The following DGKI variants were observed in gnomAD, a reference collection of about 807,000 sequenced individuals.
DGKI encodes diacylglycerol kinase iota.
DGKI carries 55 observed loss-of-function variants against 147.5 expected under a neutral mutation model. The observed-to-expected ratio is 0.37, with a 90% CI of 0.30 to 0.47. The LOEUF (loss-of-function observed/expected upper bound fraction) is 0.47, where lower values mean the gene tolerates loss of function less well. Among genes scored for constraint, DGKI ranks in the 20% least tolerant of loss-of-function variants. The probability of loss-of-function intolerance (pLI) is 1.00; values close to 1 mark genes in which losing one functional copy is unlikely to be tolerated. For missense variants in DGKI, 1,007 were observed against 1,323.8 expected, an observed-to-expected ratio of 0.76 and a Z score of 3.71; for synonymous variants, 469 against 477.1, an observed-to-expected ratio of 0.98 and a Z score of 0.22.
At chr7:137,586,209 G>A (rs1202961939) in intron 13 of DGKI, among the ~76,000 whole-genome samples, 1 of 152,018 alleles carries the variant, frequency 6.6e-6, no homozygotes, top group African/African-American at 2.4e-5. Context: ...GGTGGATCAC[G>A]AGGTCAGGAG....
chr7:137,787,761 G>A (rs1397188171), intron 1 of DGKI, among the ~76,000 whole-genome samples: 1 of 152,176 alleles, frequency 6.6e-6, no homozygotes, highest in African/African-American at 2.4e-5. Flanking sequence ...ATATACAGAC[G>A]GAATACTACT....
intron 32 of DGKI, among the ~76,000 whole-genome samples, chr7:137,393,528 T>C (rs1332001099): frequency 6.6e-6 from 1 of 152,212 alleles, no homozygotes; most frequent in Non-Finnish European, 1.5e-5. Flanking sequence ...TAATCCTGAA[T>C]ATAAGTTGTG....
chr7:137,502,310 C>A (rs535823438), intron 21 of DGKI, among the ~76,000 whole-genome samples: 1 of 152,124 alleles, frequency 6.6e-6, no homozygotes, highest in African/African-American at 2.4e-5. Context: ...CCAGAACAGA[C>A]TTCCATTGCC....
In DGKI at chr7:137,488,823, T is replaced by C. The variant is rs531917168; in HGVS notation, c.2249-1134A>G. ...ATCTCCACGTAGTAGAGAAGGCATATATATAAACAAAAAAATGATAAGTAT... is the reference window on the plus strand; with the variant it reads ...ATCTCCACGTAGTAGAGAAGGCATACATATAAACAAAAAAATGATAAGTAT... On this transcript the variant is annotated intron_variant, in intron 21 of 32. Transcript: ENST00000614521. Among the ~76,000 whole-genome samples, 21 of 152,196 alleles carry C rather than the reference T, an allele frequency of 1.4e-4. No homozygotes were observed. The South Asian group carries it at 3.3e-3, about 24-fold the overall frequency.
chr7:137,566,858 T>A (rs1414465153), intron 19 of DGKI, among the ~76,000 whole-genome samples: 1 of 125,674 alleles, frequency 8.0e-6, no homozygotes, highest in Non-Finnish European at 1.6e-5. Context: ...AGATTTTGAA[T>A]TTAAAATAGA....
At chr7:137,553,608 T>G (rs1818124671) in intron 19 of DGKI, among the ~76,000 whole-genome samples, 1 of 152,228 alleles carries the variant, frequency 6.6e-6, no homozygotes, top group Admixed American at 6.5e-5. Flanking sequence ...AGAAAAATCA[T>G]ACATTTTTGT....
chr7:137,720,446 G>C (rs1447398593), intron 1 of DGKI, among the ~76,000 whole-genome samples: 1 of 151,770 alleles, frequency 6.6e-6, no homozygotes, highest in African/African-American at 2.4e-5. Context: ...TTTTAGTAGA[G>C]ACCGGGTTTC....
rs556728115 is a variant in DGKI at position 137,614,746 on chromosome 7, G to C, written c.993+5078C>G. Among the ~76,000 whole-genome samples, 304 of 152,176 alleles carry C rather than the reference G, an allele frequency of 2.0e-3. 1 individual carries two copies. In the Middle Eastern group the frequency reaches 0.048, roughly 24 times the overall value. On this transcript the variant is annotated intron_variant, in intron 8 of 32. Coordinates refer to ENST00000614521, the MANE Select transcript of DGKI (RefSeq NM_001321708.2). Reference sequence around the variant, plus strand: ...GCTGCCAATTCCACAGTTGCTCGTGGAGTAAAAATGAAATATGCGGTTTAA... The same window carrying C: ...GCTGCCAATTCCACAGTTGCTCGTGCAGTAAAAATGAAATATGCGGTTTAA...
intron 7 of DGKI, among the ~76,000 whole-genome samples, chr7:137,621,012 T>G (rs1820730062): frequency 6.6e-6 from 1 of 152,120 alleles, no homozygotes; most frequent in Non-Finnish European, 1.5e-5. Context: ...CAAACACAAA[T>G]TAGGACCGTC....
At position 137,627,646 on chromosome 7, in the gene DGKI, A is replaced by G. The variant is rs1267941156; in HGVS notation, c.805-4092T>C. On this transcript the variant is annotated intron_variant, in intron 6 of 32. Transcript: ENST00000614521. ...TAAAATGCGGCATGGATAAAAATCAATACAGTAGAATTTGTGGCAAGACAG... is the reference window on the plus strand; with the variant it reads ...TAAAATGCGGCATGGATAAAAATCAGTACAGTAGAATTTGTGGCAAGACAG... Among the ~76,000 whole-genome samples the G allele has an allele frequency of 3.3e-5, 5 of 152,232 alleles. No individual in the cohort carries two copies. The East Asian group carries it at 9.6e-4, about 29-fold the overall frequency.
chr7:137,667,913 G>A (rs184547432), intron 3 of DGKI, among the ~76,000 whole-genome samples: 9 of 152,218 alleles, frequency 5.9e-5, no homozygotes, highest in Admixed American at 4.6e-4. Context: ...TTTGCCAGGA[G>A]GCTAGCTGTG....
In DGKI at chr7:137,385,013, T is replaced by C. The variant is rs905822721; in HGVS notation, c.*6207A>G. On this transcript the variant is annotated 3_prime_UTR_variant, in exon 33 of 33. Coordinates refer to ENST00000614521, the MANE Select transcript of DGKI (RefSeq NM_001321708.2). ...CATGTACATTTACTTGGCTCCCAAATACCTTACAGGCAGAATTTTCTTCTG... is the reference window on the plus strand; with the variant it reads ...CATGTACATTTACTTGGCTCCCAAACACCTTACAGGCAGAATTTTCTTCTG... 3.3e-5 allele frequency: 5 copies of C among 152,086 alleles called. No individual in the cohort carries two copies. Among genetic ancestry groups the C allele is most frequent in the Non-Finnish European group, 7.4e-5 (5 of 67,994 alleles). 9.4% of individuals were successfully genotyped at this position (152,086 alleles called of 1,614,324 possible).
At chr7:137,459,905 A>G (rs1814364866) in intron 27 of DGKI, among the ~76,000 whole-genome samples, 1 of 152,118 alleles carries the variant, frequency 6.6e-6, no homozygotes. Flanking sequence ...ATCAAATTGA[A>G]TGCTTTGCTT....
intron 8 of DGKI, among the ~76,000 whole-genome samples, chr7:137,616,007 T>C (rs1820518929): frequency 6.6e-6 from 1 of 152,166 alleles, no homozygotes; most frequent in Non-Finnish European, 1.5e-5. Flanking sequence ...CTATGGTTCA[T>C]TGGTTAACTT....
At chr7:137,817,852 T>C (rs1797784810) in intron 1 of DGKI, among the ~76,000 whole-genome samples, 1 of 152,256 alleles carries the variant, frequency 6.6e-6, no homozygotes, top group Admixed American at 6.5e-5. Context: ...CCACATCTGT[T>C]TTATTCCTAT....
chr7:137,578,645 T>C (rs535723616), intron 15 of DGKI, among the ~76,000 whole-genome samples: 8 of 152,286 alleles, frequency 5.3e-5, no homozygotes, highest in African/African-American at 1.4e-4. Context: ...TATACATCTG[T>C]GGAGGGGAGC....
At chr7:137,532,655 C>T (rs1817380508) in intron 20 of DGKI, among the ~76,000 whole-genome samples, 1 of 152,096 alleles carries the variant, frequency 6.6e-6, no homozygotes, top group Non-Finnish European at 1.5e-5. Context: ...TTCCCACCAG[C>T]CCAAGGTTTC....
chr7:137,574,382 G>A (rs922408442), intron 17 of DGKI, among the ~76,000 whole-genome samples: 4 of 152,098 alleles, frequency 2.6e-5, no homozygotes, highest in African/African-American at 9.7e-5. Context: ...TAAAAAAGTA[G>A]ACATTGTAAA....
Position 137,382,094 on chromosome 7 carries a change from G to C in DGKI, c.*9126C>G, listed in dbSNP as rs1464605564. 6.6e-6 allele frequency: 1 copy of C among 151,982 alleles called. No homozygotes were observed. The highest frequency in any genetic ancestry group is 1.9e-4 in the East Asian group (1 of 5,180). 9.4% of individuals were successfully genotyped at this position (151,982 alleles called of 1,614,324 possible). A position where few individuals can be genotyped will look rare whatever the true frequency, so the allele number is the denominator to read the frequency against. On this transcript the variant is annotated 3_prime_UTR_variant, in exon 33 of 33. Coordinates refer to ENST00000614521, the MANE Select transcript of DGKI (RefSeq NM_001321708.2). Reference sequence around the variant, plus strand: ...CAAGGCTAGATGGTATCTTAAAAGTGATAAATCTCACCAACACCTATAAAT... The same window carrying C: ...CAAGGCTAGATGGTATCTTAAAAGTCATAAATCTCACCAACACCTATAAAT...
Sources: gnomAD v4.1 joint callset for allele counts (sites outside exome capture counted in the v4.1 genomes callset) on GRCh38, gnomAD v4.1.1 for gene constraint, MANE v1.5 for transcripts, NCBI Gene and HGNC (gene_info 2026-07-23, HGNC 2026-07-21) for gene names.